Variants in STPG2 observed in about 807,000 individuals in gnomAD.
STPG2 encodes sperm tail PG-rich repeat containing 2.
STPG2 carries 56 observed loss-of-function variants against 54.2 expected under a neutral mutation model. The ratio of observed to expected loss-of-function variants is 1.03; its 90% CI spans 0.83 to 1.29. STPG2 has a LOEUF of 1.29. STPG2 is among the 50% of genes most tolerant of loss of function. STPG2 has a pLI of 0.00. For missense variants in STPG2, 596 were observed against 544.9 expected, an observed-to-expected ratio of 1.09 and a Z score of -0.93; for synonymous variants, 200 against 181.8, an observed-to-expected ratio of 1.10 and a Z score of -0.81.
chr4:97,517,123 GT>G (rs1276842140), intron 4 of STPG2, among the ~76,000 whole-genome samples: 1 of 151,882 alleles, frequency 6.6e-6, no homozygotes, highest in African/African-American at 2.4e-5. Context: ...GGCCAGAATG[GT>G]CTTGAACTCC....
chr4:97,836,536 T>C (rs1181135056), intron 9 of STPG2, among the ~76,000 whole-genome samples: 1 of 151,918 alleles, frequency 6.6e-6, no homozygotes, highest in African/African-American at 2.4e-5. Flanking sequence ...TTAGTTTTAC[T>C]GCAGTGGTAT....
chr4:97,630,560 C>T (rs1380564360), intron 10 of STPG2, among the ~76,000 whole-genome samples: 1 of 151,796 alleles, frequency 6.6e-6, no homozygotes, highest in South Asian at 2.1e-4. Context: ...ACATTTAAAA[C>T]ACATTGCATC....
At chr4:97,926,396 T>A (rs1000292530) in intron 8 of STPG2, among the ~76,000 whole-genome samples, 1 of 152,108 alleles carries the variant, frequency 6.6e-6, no homozygotes, top group East Asian at 1.9e-4. Flanking sequence ...CAAGAAGGGC[T>A]CTCTCTTTCA....
intron 9 of STPG2, among the ~76,000 whole-genome samples, chr4:97,766,488 T>C (rs1726057873): frequency 6.6e-6 from 1 of 152,122 alleles, no homozygotes; most frequent in African/African-American, 2.4e-5. Flanking sequence ...TGATCGTCTA[T>C]TGCATGTGAG....
chr4:98,011,604 A>G (rs1457438027), intron 5 of STPG2, among the ~76,000 whole-genome samples: 2 of 152,202 alleles, frequency 1.3e-5, no homozygotes, highest in Non-Finnish European at 2.9e-5. Context: ...CTACTTTTCC[A>G]CAGCCTCACC....
At chr4:97,913,026 CTGA>C (rs2149201568) in intron 8 of STPG2, among the ~76,000 whole-genome samples, 1 of 152,306 alleles carries the variant, frequency 6.6e-6, no homozygotes, top group East Asian at 1.9e-4. Context: ...CAAATTTACG[CTGA>C]TGTCTATCTT....
chr4:97,511,761 T>C (rs1309817821), intron 4 of STPG2, among the ~76,000 whole-genome samples: 1 of 151,712 alleles, frequency 6.6e-6, no homozygotes, highest in Non-Finnish European at 1.5e-5. Context: ...TAAAAATATA[T>C]AGAAAACAGA....
At chr4:97,827,953 A>G (rs1042390886) in intron 9 of STPG2, among the ~76,000 whole-genome samples, 1 of 152,172 alleles carries the variant, frequency 6.6e-6, no homozygotes, top group Admixed American at 6.5e-5. Flanking sequence ...TACCTAACTT[A>G]TAGGTATTTA....
At chr4:97,966,499 A>G (rs1734104591) in intron 7 of STPG2, among the ~76,000 whole-genome samples, 1 of 152,216 alleles carries the variant, frequency 6.6e-6, no homozygotes, top group Non-Finnish European at 1.5e-5. Flanking sequence ...GCAGGCCAAC[A>G]TTCAAATTCA....
intron 4 of STPG2, among the ~76,000 whole-genome samples, chr4:97,462,471 C>T (rs1226403740): frequency 6.6e-6 from 1 of 151,910 alleles, no homozygotes; most frequent in African/African-American, 2.4e-5. Context: ...ATTGGGATTA[C>T]ATTGAATTTA....
intron 1 of STPG2, among the ~76,000 whole-genome samples, chr4:98,141,860 G>C (rs1338982853): frequency 6.8e-6 from 1 of 146,806 alleles, no homozygotes; most frequent in African/African-American, 2.5e-5. Context: ...AGGGGGAGAA[G>C]ATGATGCCCT....
At chr4:97,856,660 T>G (rs937831342) in intron 8 of STPG2, among the ~76,000 whole-genome samples, 3 of 152,166 alleles carry the variant, frequency 2.0e-5, no homozygotes, top group Admixed American at 6.6e-5. Context: ...TTTCTTTTTC[T>G]TGCTTGATTG....
intron 8 of STPG2, among the ~76,000 whole-genome samples, chr4:97,904,699 A>G (rs1057483334): frequency 6.6e-6 from 1 of 152,228 alleles, no homozygotes; most frequent in Non-Finnish European, 1.5e-5. Flanking sequence ...AAAGAAGTTG[A>G]AAACTTTGAA....
Position 97,541,001 on chromosome 4 carries a change from A to C in STPG2, c.462+171698T>G, listed in dbSNP as rs1300158415. ...AATAAGAGGTATTTATGACAAACCC[A>C]CAGCCAATATCATACTGAATGGGCA... On this transcript the variant is annotated intron_variant, in intron 4 of 4. Coordinates refer to the STPG2 transcript ENST00000522676. 8.5e-5 allele frequency among the ~76,000 whole-genome samples: 13 copies of C among 152,320 alleles called. No homozygotes were observed. The South Asian group carries it at 2.1e-3, about 24-fold the overall frequency.
chr4:97,903,965 G>A (rs745963138), intron 8 of STPG2, among the ~76,000 whole-genome samples: 9 of 152,276 alleles, frequency 5.9e-5, no homozygotes, highest in South Asian at 2.1e-4. Flanking sequence ...ACAGAGTCTC[G>A]CTGATTGCTA....
At chr4:97,691,863 C>T (rs2148989208) in intron 10 of STPG2, among the ~76,000 whole-genome samples, 1 of 152,234 alleles carries the variant, frequency 6.6e-6, no homozygotes. Context: ...CGAATCATAT[C>T]ACAAGACTCT....
At chr4:97,611,065 T>C (rs1553942461) in intron 10 of STPG2, among the ~76,000 whole-genome samples, 1 of 152,062 alleles carries the variant, frequency 6.6e-6, no homozygotes, top group Non-Finnish European at 1.5e-5. Flanking sequence ...TAAACATTTA[T>C]GAAGAATTTT....
intron 10 of STPG2, among the ~76,000 whole-genome samples, chr4:97,665,818 T>G (rs1398347685): frequency 6.6e-6 from 1 of 152,100 alleles, no homozygotes; most frequent in African/African-American, 2.4e-5. Flanking sequence ...CTGAAGGGGC[T>G]GAGGTGCCAG....
chr4:97,527,985 C>A (rs142356046), intron 4 of STPG2, among the ~76,000 whole-genome samples: 2,185 of 152,160 alleles, frequency 0.014, 53 homozygotes, highest in African/African-American at 0.05. Flanking sequence ...TTTTGTTGTG[C>A]AGAAGCTCTT....
Sources: gnomAD v4.1 joint callset for allele counts (sites outside exome capture counted in the v4.1 genomes callset) on GRCh38, gnomAD v4.1.1 for gene constraint, MANE v1.5 for transcripts, NCBI Gene and HGNC (gene_info 2026-07-23, HGNC 2026-07-21) for gene names.